MTCH1: variants seen among roughly 807,000 people sequenced by gnomAD.
The protein encoded by MTCH1 is mitochondrial carrier homolog 1.
Under a neutral mutation model 49.3 loss-of-function variants are expected in MTCH1, and 23 were observed. That is an observed-to-expected ratio of 0.47 (90% confidence interval 0.34 to 0.66). MTCH1 has a LOEUF of 0.66. Ranked by LOEUF, MTCH1 falls within the 30% of genes least tolerant of loss-of-function variation. The pLI, the probability that MTCH1 is intolerant of heterozygous loss-of-function variation, is 0.01. For missense variants in MTCH1, 397 were observed against 532.1 expected (o/e 0.75, Z 2.50); for synonymous variants, 229 against 215.2 (o/e 1.06, Z -0.56).
intron 1 of MTCH1, 120 bp downstream of exon 1, chr6:36,985,733 G>T: frequency 1.1e-5 from 1 of 88,474 alleles, no homozygotes; most frequent in Non-Finnish European, 2.1e-5. Context: ...CCCCAAACCC[G>T]CCGTCCCCAC....
At chr6:36,969,540 A>G (rs1763596347) in intron 11 of MTCH1, 1 of 1,136,762 alleles carries the variant, frequency 8.8e-7, no homozygotes, top group Non-Finnish European at 1.1e-6. Context: ...ACGAGAACCC[A>G]AGGTTGGTAC....
chr6:36,984,038 C>A (rs1403914897), intron 1 of MTCH1, among the ~76,000 whole-genome samples: 2 of 152,102 alleles, frequency 1.3e-5, no homozygotes, highest in Non-Finnish European at 2.9e-5. Context: ...AATGTTCTTT[C>A]AAACCAGATC....
chr6:36,970,898 G>C (rs1763660280), intron 8 of MTCH1: 1 of 634,782 alleles, frequency 1.6e-6, no homozygotes, highest in African/African-American at 1.8e-5. Flanking sequence ...TCCCGAGAAG[G>C]AGACCCGGTA....
Position 36,977,080 on chromosome 6 carries a change from A to T in MTCH1, c.701+119T>A, listed in dbSNP as rs1763905836. On this transcript the variant is annotated intron_variant, in intron 6 of 11. Transcript: ENST00000373627. This position sits in a 1 kb window ranked among gnomAD's most constrained non-coding sequence, Gnocchi z 5.4. Reference sequence around the variant, plus strand: ...CCACATTCCTCAGAAGCCAGGCAGCAGGCTGAACTCACACAGCACTAGGGC... The same window carrying T: ...CCACATTCCTCAGAAGCCAGGCAGCTGGCTGAACTCACACAGCACTAGGGC... The T allele has an allele frequency of 6.9e-6, 7 of 1,013,782 alleles. No homozygotes were observed. The highest frequency in any genetic ancestry group is 1.1e-5 in the Non-Finnish European group (7 of 649,178). 62.8% of individuals were successfully genotyped at this position (1,013,782 alleles called of 1,614,324 possible).
intron 11 of MTCH1, 43 bp from the exon 12 acceptor site, chr6:36,969,017 G>C (rs762569915): frequency 6.2e-7 from 1 of 1,607,538 alleles, no homozygotes; most frequent in African/African-American, 1.3e-5. Flanking sequence ...GGGAGGCCAC[G>C]CTTCCTTGTC....
rs757558056 is a variant in MTCH1 at position 36,970,127 on chromosome 6, G to GA, written c.1023-14dup. The GA allele has an allele frequency of 8.1e-6, 13 of 1,613,546 alleles. No individual in the cohort carries two copies. In the African/African-American group the frequency reaches 9.3e-5, roughly 12 times the overall value. On this transcript the variant is annotated splice_polypyrimidine_tract_variant and intron_variant, in intron 10 of 11. Coordinates refer to ENST00000373627, the MANE Select transcript of MTCH1 (RefSeq NM_001271641.2). ...CCCAGCTTGCAGCCTGCCGGAGAAG[G>GA]AGAGTGTAGATGCAGAGAACAGTGG...
Position 36,970,423 on chromosome 6 carries a change from C to T in MTCH1, c.1005G>A (p.Met335Ile), listed in dbSNP as rs1203051923. 1 of 1,614,160 alleles carries T rather than the reference C, an allele frequency of 6.2e-7. No homozygotes were observed. Among genetic ancestry groups the T allele is most frequent in the East Asian group, 2.2e-5 (1 of 44,882 alleles). ...TYPFLLVGDLMAVNNCGLQAG... is the reference protein window; with the variant it reads ...TYPFLLVGDLIAVNNCGLQAG... ...ACACCTACCCGCAGTTGTTCACAGC[C>T]ATGAGGTCGCCAACTAGCAGGAAGG... Residue 335 changes from methionine (M) to isoleucine (I), a missense_variant, in exon 10 of 12, where the codon ATG becomes ATA. Physicochemically the swap from Met to Ile is conservative, Grantham distance 10. This residue lies in a region of MTCH1 where 252 missense variants were observed against 388.3 expected (regional missense o/e 0.65). Coordinates refer to ENST00000373627, the MANE Select transcript of MTCH1 (RefSeq NM_001271641.2).
In MTCH1 at chr6:36,978,113, C is replaced by A; in HGVS notation, c.556G>T (p.Asp186Tyr). 6.2e-7 allele frequency: 1 copy of A among 1,613,970 alleles called. No individual in the cohort carries two copies. Among genetic ancestry groups the A allele is most frequent in the Non-Finnish European group, 8.5e-7 (1 of 1,179,802 alleles). Residue 186 changes from aspartate (D) to tyrosine (Y), a missense_variant, in exon 4 of 12, where the codon GAT (aspartate) becomes TAT (tyrosine). By Grantham distance (160) the Asp-to-Tyr change is radical. Transcript: ENST00000373627. Reference sequence around the variant, plus strand: ...ACTTTCTTCAGGGAAGTCTTCATATCATCCTTGTTGGAAACCTGCTCAATC... The same window carrying A: ...ACTTTCTTCAGGGAAGTCTTCATATAATCCTTGTTGGAAACCTGCTCAATC... ...DEIEQVSNKD[D>Y]MKTSLKKVVK...
intron 7 of MTCH1, among the ~76,000 whole-genome samples, chr6:36,975,297 C>T (rs542951363): frequency 6.6e-6 from 1 of 152,368 alleles, no homozygotes; most frequent in Non-Finnish European, 1.5e-5. Context: ...CAGAGCTCCA[C>T]CCTCAGTCCA....
rs761016766 is a variant in MTCH1 at position 36,977,765 on chromosome 6, A to G, written c.592-74T>C. ...GAACTGGCCCTCGAGGGGAGCTACA[A>G]GTGCTCAGGAGGGAGAAACCTGTCC... On this transcript the variant is annotated intron_variant, in intron 4 of 11. Coordinates refer to ENST00000373627, the MANE Select transcript of MTCH1 (RefSeq NM_001271641.2). This position sits in a 1 kb window ranked among gnomAD's most constrained non-coding sequence, Gnocchi z 5.4. The G allele has an allele frequency of 1.8e-4, 240 of 1,330,298 alleles. No individual in the cohort carries two copies. The highest frequency in any genetic ancestry group is 2.4e-4 in the Non-Finnish European group (232 of 952,758). The allele number at this position is 1,330,298 out of a possible 1,614,324, so 82.4% of individuals were successfully genotyped here. A position where few individuals can be genotyped will look rare whatever the true frequency, so the allele number is the denominator to read the frequency against.
chr6:36,970,015 C>T, intron 11 of MTCH1, 24 bp downstream of exon 11: 2 of 1,613,280 alleles, frequency 1.2e-6, no homozygotes, highest in African/African-American at 1.3e-5. Context: ...CAGGAAAGGC[C>T]TCCGCCGTCC....
rs746927170 is a variant in MTCH1, at chr6:36,968,787, C to A, written c.*116G>T. ...TGGCAAATATGGAACTGAAGCCCGG[C>A]TGGGCTGGAGCACATCTGGTTGTTG... On this transcript the variant is annotated 3_prime_UTR_variant, in exon 12 of 12. Coordinates refer to ENST00000373627, the MANE Select transcript of MTCH1 (RefSeq NM_001271641.2). 1 of 1,498,610 alleles carries A rather than the reference C, an allele frequency of 6.7e-7. No individual in the cohort carries two copies. Among genetic ancestry groups the A allele is most frequent in the African/African-American group, 1.4e-5 (1 of 72,270 alleles). The allele number at this position is 1,498,610 out of a possible 1,614,324, so 92.8% of individuals were successfully genotyped here. A position where few individuals can be genotyped will look rare whatever the true frequency, so the allele number is the denominator to read the frequency against.
rs200609792 is a variant in MTCH1 at position 36,982,383 on chromosome 6, TA to T, written c.322-712del. On this transcript the variant is annotated intron_variant, in intron 1 of 11. Coordinates refer to ENST00000373627, the MANE Select transcript of MTCH1 (RefSeq NM_001271641.2). The surrounding 1 kb of genome is among the most constrained non-coding windows in gnomAD (Gnocchi z 4.1). Reference sequence around the variant, plus strand: ...CTTATATCTGAAATATTTATTTATTTATTTTTTTTTTTGAGATGGAGTTTCA... The same window carrying T: ...CTTATATCTGAAATATTTATTTATTTTTTTTTTTTTTGAGATGGAGTTTCA... Among the ~76,000 whole-genome samples the T allele has an allele frequency of 5.3e-4, 81 of 151,550 alleles. No homozygotes were observed. The highest frequency in any genetic ancestry group is 1.8e-3 in the African/African-American group (74 of 41,110).
Position 36,977,395 on chromosome 6 carries a change from C to A in MTCH1, c.650-145G>T. On this transcript the variant is annotated intron_variant, in intron 5 of 11. Transcript: ENST00000373627. The surrounding 1 kb of genome is among the most constrained non-coding windows in gnomAD (Gnocchi z 5.4). ...GAGAGGAAGAGGGCCTTTCGGATTC[C>A]CTGTTACACCCCATGACCACAGCAT... 1 of 819,514 alleles carries A rather than the reference C, an allele frequency of 1.2e-6. No homozygotes were observed. The highest frequency in any genetic ancestry group is 2.0e-6 in the Non-Finnish European group (1 of 506,246). 50.8% of individuals were successfully genotyped at this position (819,514 alleles called of 1,614,324 possible).
In MTCH1 at chr6:36,977,359, TCAGAGA is replaced by T; in HGVS notation, c.650-115_650-110del. On this transcript the variant is annotated intron_variant, in intron 5 of 11. Transcript: ENST00000373627. This position sits in a 1 kb window ranked among gnomAD's most constrained non-coding sequence, Gnocchi z 5.4. ...GTGGCCACTGAACAACGTGGCCTAT[TCAGAGA>T]GCAGGAGAGGAAGAGGGCCTTTCGG... 1 of 1,189,012 alleles carries T rather than the reference TCAGAGA, an allele frequency of 8.4e-7. No homozygotes were observed. Among genetic ancestry groups the T allele is most frequent in the Admixed American group, 1.8e-5 (1 of 55,842 alleles). The allele number at this position is 1,189,012 out of a possible 1,614,324, so 73.7% of individuals were successfully genotyped here.
intron 11 of MTCH1, 141 bp from the exon 12 acceptor site, chr6:36,969,115 C>T (rs758978999): frequency 1.5e-4 from 210 of 1,438,170 alleles, no homozygotes; most frequent in Non-Finnish European, 1.8e-4. Context: ...GCCTACATCC[C>T]TGGAGGGCAG....
At chr6:36,983,639 A>C (rs1764188052) in intron 1 of MTCH1, among the ~76,000 whole-genome samples, 1 of 152,166 alleles carries the variant, frequency 6.6e-6, no homozygotes, top group Admixed American at 6.5e-5. Flanking sequence ...TAACTACGGC[A>C]AATGCTGTGG....
Position 36,978,740 on chromosome 6 carries a change from A to G in MTCH1, c.407-129T>C. On this transcript the variant is annotated intron_variant, in intron 2 of 11. Transcript: ENST00000373627. ...GCTGACTACAGGCACAGAAGGTAAC[A>G]TCTGTCCAGGACCTGGAAGCAGTCA... 6 of 727,304 alleles carry G rather than the reference A, an allele frequency of 8.2e-6. No homozygotes were observed. The South Asian group carries it at 1.1e-4, about 13-fold the overall frequency. The allele number at this position is 727,304 out of a possible 1,614,324, so 45.1% of individuals were successfully genotyped here.
chr6:36,977,748 C>A lies in MTCH1; in HGVS notation c.592-57G>T. On this transcript the variant is annotated intron_variant, in intron 4 of 11. Transcript: ENST00000373627. The surrounding 1 kb of genome is among the most constrained non-coding windows in gnomAD (Gnocchi z 5.4). ...CCCTCGGCCTGTCTCTGGAACTGGC[C>A]CTCGAGGGGAGCTACAAGTGCTCAG... The A allele has an allele frequency of 6.8e-7, 1 of 1,479,530 alleles. No individual in the cohort carries two copies. The highest frequency in any genetic ancestry group is 2.4e-5 in the East Asian group (1 of 41,646). 91.7% of individuals were successfully genotyped at this position (1,479,530 alleles called of 1,614,324 possible). A position where few individuals can be genotyped will look rare whatever the true frequency, so the allele number is the denominator to read the frequency against.
Sources: allele counts gnomAD v4.1 joint callset (sites outside exome capture counted in the v4.1 genomes callset), GRCh38; gene constraint gnomAD v4.1.1; regional missense constraint gnomAD v4.1.1; non-coding constraint Gnocchi (gnomAD v3.1); transcripts MANE v1.5; gene names NCBI Gene and HGNC (gene_info 2026-07-23, HGNC 2026-07-21).